CDC27: variants seen among roughly 807,000 people sequenced by gnomAD.
CDC27 encodes cell division cycle protein 27 homolog.
Under a neutral mutation model 109.7 loss-of-function variants are expected in CDC27, and 27 were observed. That is an observed-to-expected ratio of 0.25 (90% CI 0.18 to 0.34). The LOEUF (loss-of-function observed/expected upper bound fraction) is 0.34. Ranked by LOEUF, CDC27 falls within the 10% of genes least tolerant of loss-of-function variation. The pLI, the probability that CDC27 is intolerant of heterozygous loss-of-function variation, is 1.00. For synonymous variants in CDC27, 266 were observed against 333.9 expected (o/e 0.80, Z 2.22); for missense variants, 579 against 960.2 (o/e 0.60, Z 5.25).
chr17:47,123,906 C>T lies in CDC27; in HGVS notation c.2215G>A (p.Val739Ile), dbSNP rs766619286. The change falls in exon 17 of 19, where the codon GTT (valine) becomes ATT (isoleucine). Residue 739 changes from valine (V) to isoleucine (I), a missense_variant. Coordinates refer to ENST00000066544, the MANE Select transcript of CDC27 (RefSeq NM_001256.6). Reference protein sequence around the residue: ...LKQIVPKESLVYFLIGKVYKK... With the variant: ...LKQIVPKESLIYFLIGKVYKK... ...TTTACCTTTCCTATTAAGAAGTAAA[C>T]GAGGGATTCTTTGGGAACAATTTGT... 1.6e-5 allele frequency: 25 copies of T among 1,602,036 alleles called. No homozygotes were observed. Among genetic ancestry groups the T allele is most frequent in the Middle Eastern group, 1.7e-4 (1 of 5,962 alleles).
At chr17:47,148,282 C>T (rs893942535) in intron 9 of CDC27, among the ~76,000 whole-genome samples, 3 of 149,644 alleles carry the variant, frequency 2.0e-5, no homozygotes, top group Non-Finnish European at 4.5e-5. Context: ...CAAAACAAAA[C>T]AAAAAACCCA....
intron 4 of CDC27, among the ~76,000 whole-genome samples, chr17:47,158,982 G>A (rs186331400): frequency 1.9e-3 from 294 of 152,312 alleles, no homozygotes; most frequent in African/African-American, 6.7e-3. Context: ...GAACTCATGA[G>A]CTCAAGTGAT....
intron 16 of CDC27, among the ~76,000 whole-genome samples, chr17:47,127,027 C>T (rs1448322846): frequency 6.6e-6 from 1 of 152,110 alleles, no homozygotes; most frequent in Non-Finnish European, 1.5e-5. Context: ...CTCCTGGCCT[C>T]AAGTGATCTG....
Position 47,137,164 on chromosome 17 carries a change from T to C in CDC27, c.1901A>G (p.His634Arg). ...CATTACCACTTACCATGCATTATAATGTCTAGGATTGACTCTGATAGCATT... is the reference window on the plus strand; with the variant it reads ...CATTACCACTTACCATGCATTATAACGTCTAGGATTGACTCTGATAGCATT... The part of the protein sequence containing the change: ...FRNAIRVNPR[H>R]YNAWYGLGMI... The change falls in exon 14 of 19, where the codon CAT (histidine) becomes CGT (arginine). Residue 634 changes from histidine to arginine, a missense_variant. Physicochemically the swap from His to Arg is conservative, Grantham distance 29 (BLOSUM62 0). Coordinates refer to ENST00000066544, the MANE Select transcript of CDC27 (RefSeq NM_001256.6). 6.3e-7 allele frequency: 1 copy of C among 1,593,402 alleles called. No homozygotes were observed.
At chr17:47,156,054 G>A (rs184782835) in intron 7 of CDC27, among the ~76,000 whole-genome samples, 23 of 152,264 alleles carry the variant, frequency 1.5e-4, no homozygotes, top group African/African-American at 5.5e-4. Context: ...GAGGCTCACC[G>A]CTATCCATTA....
chr17:47,175,731 G>T (rs772550581), intron 2 of CDC27, among the ~76,000 whole-genome samples: 1 of 152,120 alleles, frequency 6.6e-6, no homozygotes, highest in African/African-American at 2.4e-5. Flanking sequence ...TACAAGAATC[G>T]CTTGAACCTG....
At chr17:47,139,868 GA>G (rs1181535974) in intron 12 of CDC27, 1 of 151,786 alleles carries the variant, frequency 6.6e-6, no homozygotes, top group Admixed American at 6.6e-5. Flanking sequence ...ACAGCTCCCA[GA>G]ACTGTGTTTC....
At chr17:47,174,227 A>T (rs544171271) in intron 2 of CDC27, among the ~76,000 whole-genome samples, 14 of 152,360 alleles carry the variant, frequency 9.2e-5, no homozygotes, top group African/African-American at 1.9e-4. Flanking sequence ...AGTACCCCAA[A>T]CACAACTAAA....
intron 4 of CDC27, chr17:47,159,602 A>C: frequency 2.1e-6 from 1 of 465,476 alleles, no homozygotes; most frequent in Non-Finnish European, 3.9e-6. Context: ...GAGTTTGGCC[A>C]GGATGTTGAT....
At chr17:47,162,998 G>C (rs952385265) in intron 4 of CDC27, among the ~76,000 whole-genome samples, 4 of 151,954 alleles carry the variant, frequency 2.6e-5, no homozygotes, top group Non-Finnish European at 5.9e-5. Flanking sequence ...AGATAAAAGG[G>C]GACAAAGATT....
In CDC27 at chr17:47,157,077, C is replaced by G; in HGVS notation, c.678G>C (p.Leu226Phe). Reference protein sequence around the residue: ...NLESSNSKYSLNTDSSVSYID... With the variant: ...NLESSNSKYSFNTDSSVSYID... ...TATAAGACACTGAGGAATCTGTATT[C>G]AAGGAGTACTTTGAATTGGAAGATT... The change falls in exon 7 of 19, where the codon TTG becomes TTC. Residue 226 changes from leucine (L) to phenylalanine (F), a missense_variant. Transcript: ENST00000066544. 6.3e-7 allele frequency: 1 copy of G among 1,596,362 alleles called. No individual in the cohort carries two copies. Among genetic ancestry groups the G allele is most frequent in the South Asian group, 1.1e-5 (1 of 88,524 alleles).
At chr17:47,178,575 A>T (rs1385969856) in intron 2 of CDC27, among the ~76,000 whole-genome samples, 1 of 151,644 alleles carries the variant, frequency 6.6e-6, no homozygotes, top group African/African-American at 2.4e-5. Context: ...AAAACCCTGA[A>T]AAGTCACTGT....
chr17:47,153,016 C>T (rs1274308420), intron 8 of CDC27, among the ~76,000 whole-genome samples: 1 of 152,196 alleles, frequency 6.6e-6, no homozygotes, highest in Non-Finnish European at 1.5e-5. Context: ...ATATTTTCAT[C>T]TAATGTACCA....
chr17:47,169,605 A>T (rs1256836267), intron 4 of CDC27, among the ~76,000 whole-genome samples: 2 of 150,312 alleles, frequency 1.3e-5, no homozygotes, highest in African/African-American at 4.9e-5. Context: ...AGATCACACC[A>T]TTGCACTCCA....
chr17:47,137,603 C>T (rs1483622960), intron 13 of CDC27, among the ~76,000 whole-genome samples: 1 of 152,166 alleles, frequency 6.6e-6, no homozygotes, highest in Non-Finnish European at 1.5e-5. Flanking sequence ...GGTATGTTCT[C>T]ATTTGAGGTT....
chr17:47,132,424 C>A, intron 14 of CDC27, 50 bp from the exon 15 acceptor site: 2 of 864,614 alleles, frequency 2.3e-6, no homozygotes, highest in Non-Finnish European at 3.5e-6. Flanking sequence ...GTTTAGGTTG[C>A]TAATTTAGTT....
chr17:47,145,281 G>C (rs1216335253), intron 9 of CDC27, among the ~76,000 whole-genome samples: 1 of 152,154 alleles, frequency 6.6e-6, no homozygotes, highest in Non-Finnish European at 1.5e-5. Context: ...AGAAAATGTT[G>C]AGAATTTGAG....
intron 8 of CDC27, among the ~76,000 whole-genome samples, chr17:47,154,364 T>C (rs1391820734): frequency 1.3e-5 from 2 of 152,146 alleles, no homozygotes; most frequent in African/African-American, 4.8e-5. Flanking sequence ...ATTAATTTTG[T>C]TTTTTAAAAA....
chr17:47,132,446 A>C (rs1478456568), intron 14 of CDC27, 72 bp from the exon 15 acceptor site: 5 of 673,822 alleles, frequency 7.4e-6, no homozygotes, highest in Non-Finnish European at 1.2e-5. Flanking sequence ...AATTAGTAAA[A>C]GAACAAGTAT....
Sources: gnomAD v4.1 joint callset for allele counts (sites outside exome capture counted in the v4.1 genomes callset) on GRCh38, gnomAD v4.1.1 for gene constraint, MANE v1.5 for transcripts, NCBI Gene and HGNC (gene_info 2026-07-23, HGNC 2026-07-21) for gene names.